The following NMNAT2 variants were observed in gnomAD, a reference collection of about 807,000 sequenced individuals.
The protein encoded by NMNAT2 is nicotinamide nucleotide adenylyltransferase 2.
NMNAT2 carries 11 observed loss-of-function variants against 41.6 expected under a neutral mutation model. The observed-to-expected ratio is 0.26, with a 90% CI of 0.17 to 0.44. The LOEUF is 0.44. Among genes scored for constraint, NMNAT2 ranks in the 20% least tolerant of loss-of-function variants. The probability of loss-of-function intolerance (pLI) is 1.00; values close to 1 mark genes in which losing one functional copy is unlikely to be tolerated. For synonymous variants in NMNAT2, 148 were observed against 151.2 expected, an observed-to-expected ratio of 0.98 and a Z score of 0.16; for missense variants, 288 against 407.7, an observed-to-expected ratio of 0.71 and a Z score of 2.53.
chr1:183,339,878 T>C (rs536375451), intron 1 of NMNAT2, among the ~76,000 whole-genome samples: 1 of 152,052 alleles, frequency 6.6e-6, no homozygotes, highest in East Asian at 2.0e-4. Flanking sequence ...GTTGGAAGCA[T>C]TCATGAATGC....
At chr1:183,263,873 A>G (rs1461185832) in intron 8 of NMNAT2, among the ~76,000 whole-genome samples, 1 of 152,162 alleles carries the variant, frequency 6.6e-6, no homozygotes, top group Non-Finnish European at 1.5e-5. Flanking sequence ...AGGCAGCAGT[A>G]TTTCTTTAAA....
chr1:183,363,579 T>TACACACACAC (rs146304060), intron 1 of NMNAT2, among the ~76,000 whole-genome samples: 142 of 147,586 alleles, frequency 9.6e-4, no homozygotes, highest in Non-Finnish European at 1.7e-3. Flanking sequence ...CACACACACA[T>TACACACACAC]ACACACACAC....
chr1:183,347,272 A>G (rs1209621082), intron 1 of NMNAT2, among the ~76,000 whole-genome samples: 1 of 152,142 alleles, frequency 6.6e-6, no homozygotes, highest in East Asian at 1.9e-4. Flanking sequence ...TGGGCAATAT[A>G]GTGAGATGCC....
intron 1 of NMNAT2, among the ~76,000 whole-genome samples, chr1:183,305,974 G>A (rs1189782359): frequency 5.3e-5 from 8 of 152,146 alleles, no homozygotes; most frequent in South Asian, 2.1e-4. Context: ...CACCTGCTTC[G>A]GCCTCCCAAA....
At chr1:183,346,512 C>T (rs563250099) in intron 1 of NMNAT2, among the ~76,000 whole-genome samples, 18 of 152,328 alleles carry the variant, frequency 1.2e-4, no homozygotes, top group African/African-American at 3.8e-4. Flanking sequence ...TGAAGTTCCA[C>T]ATCACCAAGA....
At chr1:183,302,958 T>A (rs1336039702) in intron 1 of NMNAT2, among the ~76,000 whole-genome samples, 1 of 152,182 alleles carries the variant, frequency 6.6e-6, no homozygotes, top group Non-Finnish European at 1.5e-5. Context: ...TATAACAACT[T>A]TCTTTTCAAC....
At chr1:183,377,695 T>C (rs1234583717) in intron 1 of NMNAT2, among the ~76,000 whole-genome samples, 1 of 152,188 alleles carries the variant, frequency 6.6e-6, no homozygotes, top group Non-Finnish European at 1.5e-5. Context: ...ATACAACATG[T>C]TCAGTTTTCA....
chr1:183,327,340 G>A (rs1200471166), intron 1 of NMNAT2, among the ~76,000 whole-genome samples: 2 of 152,184 alleles, frequency 1.3e-5, no homozygotes, highest in East Asian at 3.8e-4. Flanking sequence ...ACAGGCATGA[G>A]CCACTGTGCC....
chr1:183,416,894 C>T (rs1477704526), intron 1 of NMNAT2, among the ~76,000 whole-genome samples: 1 of 152,154 alleles, frequency 6.6e-6, no homozygotes, highest in African/African-American at 2.4e-5. Context: ...CGGATAAACA[C>T]GTGTGCCCGC....
intron 7 of NMNAT2, 152 bp from the exon 8 acceptor site, chr1:183,278,781 G>C: frequency 1.6e-6 from 1 of 632,390 alleles, no homozygotes; most frequent in Non-Finnish European, 2.9e-6. Flanking sequence ...CTGAGTGTGT[G>C]CAGAGCAGAA....
At chr1:183,347,539 T>G (rs867529836) in intron 1 of NMNAT2, among the ~76,000 whole-genome samples, 1 of 152,138 alleles carries the variant, frequency 6.6e-6, no homozygotes, top group Non-Finnish European at 1.5e-5. Flanking sequence ...AGTACATTAT[T>G]ATATGGAAAA....
rs753208688 is a variant in NMNAT2, at chr1:183,252,701, C to T, written c.864G>A (p.Leu288=). Residue 288 remains leucine (L), a synonymous_variant, in exon 11 of 11, where the codon CTG becomes CTA. Transcript: ENST00000287713. The part of the protein sequence containing the change: ...QHGDGHVVDY[L]SQPVIDYILK... ...GGATGTAGTCGATGACCGGCTGGGA[C>T]AGGTAATCCACAACATGGCCGTCCC... is the stretch of plus-strand genomic sequence containing the variant. 2.5e-6 allele frequency: 4 copies of T among 1,614,070 alleles called. No homozygotes were observed. The highest frequency in any genetic ancestry group is 4.5e-5 in the East Asian group (2 of 44,884).
intron 1 of NMNAT2, among the ~76,000 whole-genome samples, chr1:183,374,818 T>C (rs1663635545): frequency 6.6e-6 from 1 of 152,300 alleles, no homozygotes; most frequent in Admixed American, 6.5e-5. Flanking sequence ...TCTTCAGGGC[T>C]GACAGCCACA....
chr1:183,373,784 A>G (rs1034266849), intron 1 of NMNAT2, among the ~76,000 whole-genome samples: 8 of 151,870 alleles, frequency 5.3e-5, no homozygotes, highest in African/African-American at 1.7e-4. Flanking sequence ...TGCCCGGCTA[A>G]TTTTTGTATT....
intron 1 of NMNAT2, among the ~76,000 whole-genome samples, chr1:183,324,591 C>A (rs898835950): frequency 6.6e-6 from 1 of 152,196 alleles, no homozygotes; most frequent in Non-Finnish European, 1.5e-5. Context: ...ACCACTCTGG[C>A]TTTCTTTGAG....
At chr1:183,397,224 C>T (rs1648673577) in intron 1 of NMNAT2, among the ~76,000 whole-genome samples, 1 of 152,176 alleles carries the variant, frequency 6.6e-6, no homozygotes, top group Non-Finnish European at 1.5e-5. Flanking sequence ...AGATCCTGGA[C>T]ACCAGCCAGG....
At chr1:183,331,234 A>T (rs1354926277) in intron 1 of NMNAT2, among the ~76,000 whole-genome samples, 1 of 117,774 alleles carries the variant, frequency 8.5e-6, no homozygotes, top group Non-Finnish European at 1.9e-5. Flanking sequence ...GAGGGCAGAC[A>T]TCAATCAAGC....
At chr1:183,386,846 ATAGT>A (rs551798045) in intron 1 of NMNAT2, among the ~76,000 whole-genome samples, 220 of 152,296 alleles carry the variant, frequency 1.4e-3, no homozygotes, top group African/African-American at 4.8e-3. Context: ...AAATGGACAC[ATAGT>A]TAGGACACTT....
At chr1:183,259,957 T>C (rs1037479008) in intron 10 of NMNAT2, among the ~76,000 whole-genome samples, 1 of 152,210 alleles carries the variant, frequency 6.6e-6, no homozygotes, top group Non-Finnish European at 1.5e-5. Flanking sequence ...GTTTTACACT[T>C]CTAAGCCTCT....
Sources: gnomAD v4.1 joint callset for allele counts (sites outside exome capture counted in the v4.1 genomes callset) on GRCh38, gnomAD v4.1.1 for gene constraint, MANE v1.5 for transcripts, NCBI Gene and HGNC (gene_info 2026-07-23, HGNC 2026-07-21) for gene names.